Variants in STPG2 observed in about 807,000 individuals in gnomAD.
STPG2 encodes the protein sperm-tail PG-rich repeat-containing protein 2.
In STPG2, 56 loss-of-function variants were observed where a neutral mutation model predicts 54.2. The ratio of observed to expected loss-of-function variants is 1.03; its 90% CI spans 0.83 to 1.29. The LOEUF is 1.29. Among genes scored for constraint, STPG2 ranks in the 50% most tolerant of loss-of-function variants. The pLI is 0.00. For synonymous variants in STPG2, 200 were observed against 181.8 expected (o/e 1.10, Z -0.81); for missense variants, 596 against 544.9 (o/e 1.09, Z -0.93).
At chr4:97,460,673 T>A (rs1268957173) in intron 4 of STPG2, among the ~76,000 whole-genome samples, 1 of 152,184 alleles carries the variant, frequency 6.6e-6, no homozygotes, top group African/African-American at 2.4e-5. Flanking sequence ...TTTCAAAAAA[T>A]GAACACTGCT....
intron 10 of STPG2, among the ~76,000 whole-genome samples, chr4:97,633,052 T>C (rs1721346048): frequency 6.6e-6 from 1 of 152,138 alleles, no homozygotes; most frequent in Non-Finnish European, 1.5e-5. Context: ...TAAGAAAATA[T>C]TATCAACCAT....
chr4:97,733,483 T>G (rs977922122), intron 9 of STPG2, among the ~76,000 whole-genome samples: 1 of 151,922 alleles, frequency 6.6e-6, no homozygotes, highest in South Asian at 2.1e-4. Context: ...ACACATTAGG[T>G]ACAATGTACA....
chr4:98,041,898 C>T (rs1004778103), intron 5 of STPG2, among the ~76,000 whole-genome samples: 17 of 151,790 alleles, frequency 1.1e-4, no homozygotes, highest in South Asian at 4.1e-4. Context: ...GAATAATTTC[C>T]GCAGAATTGG....
chr4:97,555,298 A>T (rs140754861), downstream of STPG2, among the ~76,000 whole-genome samples: 83 of 152,284 alleles, frequency 5.5e-4, no homozygotes, highest in African/African-American at 1.9e-3. Flanking sequence ...CAGGAAGTAT[A>T]CATGTAATTC....
At chr4:97,895,068 C>T (rs889747925) in intron 8 of STPG2, among the ~76,000 whole-genome samples, 5 of 151,742 alleles carry the variant, frequency 3.3e-5, no homozygotes, top group African/African-American at 1.2e-4. Flanking sequence ...TCAAGAATCA[C>T]AATAATTGTG....
chr4:97,946,109 T>C (rs1733208201), intron 7 of STPG2, among the ~76,000 whole-genome samples: 1 of 152,150 alleles, frequency 6.6e-6, no homozygotes, highest in Non-Finnish European at 1.5e-5. Context: ...TGAGGTGGTA[T>C]CTCATTGCGG....
chr4:97,968,234 C>T (rs1734188644), intron 7 of STPG2, among the ~76,000 whole-genome samples: 1 of 152,118 alleles, frequency 6.6e-6, no homozygotes, highest in Non-Finnish European at 1.5e-5. Flanking sequence ...ATAAACACCT[C>T]TACACGAATT....
At chr4:98,092,547 T>G (rs1738723496) in intron 5 of STPG2, among the ~76,000 whole-genome samples, 1 of 152,026 alleles carries the variant, frequency 6.6e-6, no homozygotes, top group Admixed American at 6.6e-5. Context: ...TTGAAATTAA[T>G]GGAATAATCC....
intron 8 of STPG2, among the ~76,000 whole-genome samples, chr4:97,915,309 A>T (rs1027592756): frequency 6.6e-6 from 1 of 152,158 alleles, no homozygotes; most frequent in Non-Finnish European, 1.5e-5. Flanking sequence ...GCCATGTGCC[A>T]AGTGTTTTAC....
intron 10 of STPG2, among the ~76,000 whole-genome samples, chr4:97,604,282 T>C (rs1733538217): frequency 6.6e-6 from 1 of 151,680 alleles, no homozygotes. Context: ...TATTTTATAG[T>C]ATATCCACAT....
At chr4:97,891,092 G>C (rs1730754550) in intron 8 of STPG2, among the ~76,000 whole-genome samples, 1 of 151,952 alleles carries the variant, frequency 6.6e-6, no homozygotes, top group Admixed American at 6.6e-5. Context: ...GAACAGAACA[G>C]GGGTTGCCTG....
chr4:97,948,590 C>T (rs530643158), intron 7 of STPG2, among the ~76,000 whole-genome samples: 49 of 152,140 alleles, frequency 3.2e-4, no homozygotes, highest in African/African-American at 1.1e-3. Flanking sequence ...TTTGCTGTAT[C>T]CCAGAAGTTT....
intron 5 of STPG2, among the ~76,000 whole-genome samples, chr4:98,022,660 A>C (rs1319836414): frequency 6.6e-6 from 1 of 152,176 alleles, no homozygotes; most frequent in Non-Finnish European, 1.5e-5. Flanking sequence ...TACATCAATC[A>C]GACGTAGATT....
chr4:97,506,118 A>G (rs1427744427), intron 4 of STPG2, among the ~76,000 whole-genome samples: 2 of 151,756 alleles, frequency 1.3e-5, no homozygotes, highest in East Asian at 3.9e-4. Context: ...TATGTTTACA[A>G]AAACTGCAAA....
At chr4:97,484,265 A>G (rs987573943) in intron 4 of STPG2, among the ~76,000 whole-genome samples, 3 of 151,804 alleles carry the variant, frequency 2.0e-5, no homozygotes, top group Non-Finnish European at 2.9e-5. Flanking sequence ...ACAAAATATA[A>G]ATGAAGCAAA....
chr4:97,624,400 G>A (rs1471796673), intron 10 of STPG2, among the ~76,000 whole-genome samples: 1 of 151,966 alleles, frequency 6.6e-6, no homozygotes, highest in Non-Finnish European at 1.5e-5. Context: ...TTTCATATGT[G>A]TGTTGGCCGC....
intron 4 of STPG2, among the ~76,000 whole-genome samples, chr4:97,477,476 G>A (rs199503297): frequency 8.3e-6 from 1 of 120,400 alleles, no homozygotes; most frequent in Non-Finnish European, 1.8e-5. Flanking sequence ...TTCCTTTTTT[G>A]TTTTTTTTTT....
chr4:97,597,202 C>A (rs895394566), intron 10 of STPG2, among the ~76,000 whole-genome samples: 2 of 152,052 alleles, frequency 1.3e-5, no homozygotes, highest in South Asian at 4.2e-4. Flanking sequence ...CCTGAGAATG[C>A]GCTAGGAAGA....
At chr4:97,867,880 C>T (rs1308333261) in intron 8 of STPG2, among the ~76,000 whole-genome samples, 3 of 151,838 alleles carry the variant, frequency 2.0e-5, no homozygotes, top group Admixed American at 6.6e-5. Flanking sequence ...GCAATTTGAC[C>T]AAAACATTAT....
Sources: allele counts gnomAD v4.1 joint callset (sites outside exome capture counted in the v4.1 genomes callset), GRCh38; gene constraint gnomAD v4.1.1; transcripts MANE v1.5; gene names NCBI Gene and HGNC (gene_info 2026-07-23, HGNC 2026-07-21).